Variants in TNRC18 observed in about 807,000 individuals in gnomAD.
The protein encoded by TNRC18 is trinucleotide repeat-containing gene 18 protein.
In TNRC18, 69 loss-of-function variants were observed where a neutral mutation model predicts 226.7. The ratio of observed to expected loss-of-function variants is 0.30; its 90% CI spans 0.25 to 0.37. The LOEUF (loss-of-function observed/expected upper bound fraction) is 0.37. Among genes scored for constraint, TNRC18 ranks in the 10% least tolerant of loss-of-function variants. The pLI is 1.00. For missense variants in TNRC18, 4,754 were observed against 4,256.6 expected, an observed-to-expected ratio of 1.12 and a Z score of -3.25; for synonymous variants, 2,449 against 1,927.6, an observed-to-expected ratio of 1.27 and a Z score of -7.09.
intron 18 of TNRC18, among the ~76,000 whole-genome samples, 158 bp downstream of exon 18, chr7:5,345,404 T>C (rs1791070464): frequency 1.3e-5 from 2 of 152,178 alleles, no homozygotes; most frequent in African/African-American, 4.8e-5. Flanking sequence ...GTCGCGAGCA[T>C]CCCTGATCAG....
rs1478056622 is a variant in TNRC18 at position 5,356,900 on chromosome 7, G to A, written c.5194+16C>T. 3.3e-6 allele frequency: 5 copies of A among 1,515,018 alleles called. No individual in the cohort carries two copies. The highest frequency in any genetic ancestry group is 4.4e-6 in the Non-Finnish European group (5 of 1,127,842). The allele number at this position is 1,515,018 out of a possible 1,614,324, so 93.8% of individuals were successfully genotyped here. On this transcript the variant is annotated intron_variant, in intron 16 of 29. Coordinates refer to ENST00000430969, the MANE Select transcript of TNRC18 (RefSeq NM_001080495.3). Reference sequence around the variant, plus strand: ...AGAAGCAGCGGACCAGAGGTGGCGCGGCATACGCTACTTACTGTAAGAGTA... The same window carrying A: ...AGAAGCAGCGGACCAGAGGTGGCGCAGCATACGCTACTTACTGTAAGAGTA...
At chr7:5,379,627 C>G (rs1294292481) in intron 5 of TNRC18, among the ~76,000 whole-genome samples, 3 of 152,194 alleles carry the variant, frequency 2.0e-5, no homozygotes, top group Non-Finnish European at 2.9e-5. Flanking sequence ...CTCCTGGTAC[C>G]TCCTTGTCCC....
rs76335543 is a variant in TNRC18 at position 5,332,933 on chromosome 7, G to A, written c.5836C>T (p.Pro1946Ser). 1.0e-5 allele frequency: 16 copies of A among 1,547,404 alleles called. No homozygotes were observed. The Admixed American group carries it at 1.1e-4, about 11-fold the overall frequency. ...LGEPGPSLAAPTPGARGPDPS... is the reference protein window; with the variant it reads ...LGEPGPSLAASTPGARGPDPS... ...TCGGGACCGCGGGCGCCAGGCGTGG[G>A]TGCGGCCAGGGAGGGTCCCGGCTCC... Residue 1946 changes from proline to serine, a missense_variant, in exon 19 of 30, where the codon CCC becomes TCC. By Grantham distance (74) the Pro-to-Ser change is moderately conservative. Transcript: ENST00000430969.
intron 4 of TNRC18, chr7:5,390,123 G>C: frequency 2.4e-6 from 1 of 415,148 alleles, no homozygotes; most frequent in Non-Finnish European, 4.2e-6. Flanking sequence ...CAGCACTTTG[G>C]AAAGCCGAGG....
intron 21 of TNRC18, among the ~76,000 whole-genome samples, chr7:5,322,811 T>C (rs375349609): frequency 6.6e-6 from 1 of 152,192 alleles, no homozygotes; most frequent in African/African-American, 2.4e-5. Context: ...GGGAGAGGGA[T>C]GGGTGGGACG....
chr7:5,421,330 T>G lies in TNRC18; in HGVS notation c.-84A>C, dbSNP rs1782575371. 1.3e-5 allele frequency: 15 copies of G among 1,178,522 alleles called. No homozygotes were observed. The highest frequency in any genetic ancestry group is 1.6e-5 in the African/African-American group (1 of 62,938). The allele number at this position is 1,178,522 out of a possible 1,614,324, so 73.0% of individuals were successfully genotyped here. A position where few individuals can be genotyped will look rare whatever the true frequency, so the allele number is the denominator to read the frequency against. On this transcript the variant is annotated 5_prime_UTR_variant, in exon 2 of 30. Coordinates refer to ENST00000430969, the MANE Select transcript of TNRC18 (RefSeq NM_001080495.3). ...ACCTAAAAGTTCGGCCTCGGCGTAG[T>G]CCCAGAGTCCTCGGGCGGCGGGGGC...
At chr7:5,326,890 C>T (rs1165319736) in intron 19 of TNRC18, among the ~76,000 whole-genome samples, 2 of 151,556 alleles carry the variant, frequency 1.3e-5, no homozygotes, top group Non-Finnish European at 2.9e-5. Flanking sequence ...TTTGGGAGGC[C>T]GAGGCGGGCG....
In TNRC18 at chr7:5,370,521, G is replaced by A; in HGVS notation, c.4073C>T (p.Pro1358Leu). 1 of 1,601,220 alleles carries A rather than the reference G, an allele frequency of 6.2e-7. No homozygotes were observed. The highest frequency in any genetic ancestry group is 1.1e-5 in the South Asian group (1 of 89,162). The change falls in exon 11 of 30, where the codon CCC becomes CTC. Residue 1358 changes from proline to leucine, a missense_variant. Coordinates refer to ENST00000430969, the MANE Select transcript of TNRC18 (RefSeq NM_001080495.3). ...AAELPQARPLPSPGAAGAQAL... is the reference protein window; with the variant it reads ...AAELPQARPLLSPGAAGAQAL... ...CTGGGCTCCAGCAGCACCCGGGGAG[G>A]GCAGAGGCCTGGCCTGGGGCAGCTC... is the stretch of plus-strand genomic sequence containing the variant.
chr7:5,362,016 G>C lies in TNRC18; in HGVS notation c.4413C>G (p.Ser1471=). ...KKEERMYAMK[S]SLEDMDALEL... ...CCAGGGCGTCCATGTCCTCCAGGGA[G>C]GACTTCATGGCATACATCTGGGGGA... Residue 1471 remains serine (S), a synonymous_variant, in exon 13 of 30, where the codon TCC becomes TCG. Coordinates refer to ENST00000430969, the MANE Select transcript of TNRC18 (RefSeq NM_001080495.3). 1 of 1,613,484 alleles carries C rather than the reference G, an allele frequency of 6.2e-7. No individual in the cohort carries two copies. The highest frequency in any genetic ancestry group is 8.5e-7 in the Non-Finnish European group (1 of 1,179,700).
At chr7:5,321,463 G>A (rs1302551166) in intron 21 of TNRC18, among the ~76,000 whole-genome samples, 3 of 152,034 alleles carry the variant, frequency 2.0e-5, no homozygotes, top group Non-Finnish European at 2.9e-5. Flanking sequence ...GACCCCAGGT[G>A]GGTGTGAACC....
chr7:5,366,062 C>A (rs1189081845), intron 11 of TNRC18, among the ~76,000 whole-genome samples: 1 of 152,108 alleles, frequency 6.6e-6, no homozygotes, highest in African/African-American at 2.4e-5. Flanking sequence ...GTTCCAGAGA[C>A]AGACATGACT....
At chr7:5,410,403 C>G (rs1781766805) in intron 2 of TNRC18, among the ~76,000 whole-genome samples, 1 of 150,482 alleles carries the variant, frequency 6.6e-6, no homozygotes, top group African/African-American at 2.4e-5. Flanking sequence ...GAGAGAATAG[C>G]AAAAATACTG....
intron 10 of TNRC18, among the ~76,000 whole-genome samples, chr7:5,373,014 C>T (rs986748844): frequency 3.3e-5 from 5 of 152,136 alleles, no homozygotes; most frequent in East Asian, 1.9e-4. Flanking sequence ...CAAAATTAGC[C>T]GGGCATGGTG....
intron 18 of TNRC18, among the ~76,000 whole-genome samples, chr7:5,344,830 G>C (rs540730158): frequency 4.6e-5 from 7 of 152,326 alleles, no homozygotes; most frequent in African/African-American, 1.4e-4. Flanking sequence ...GGTGAGAACA[G>C]GGAGGGCCCA....
intron 16 of TNRC18, among the ~76,000 whole-genome samples, chr7:5,356,559 C>A (rs1314364915): frequency 6.6e-6 from 1 of 152,244 alleles, no homozygotes. Flanking sequence ...GCCAAACAGC[C>A]GCAAACTCTA....
rs373890079 is a variant in TNRC18, at chr7:5,308,235, C to T, written c.8778G>A (p.Leu2926=). 22 of 1,612,676 alleles carry T rather than the reference C, an allele frequency of 1.4e-5. No individual in the cohort carries two copies. The highest frequency in any genetic ancestry group is 2.2e-5 in the East Asian group (1 of 44,876). The change falls in exon 30 of 30, where the codon CTG becomes CTA. Residue 2926 remains leucine (L), a synonymous_variant. Coordinates refer to ENST00000430969, the MANE Select transcript of TNRC18 (RefSeq NM_001080495.3). The stretch of plus-strand genomic sequence containing the variant: ...TCTTCAGCATCTGCTCATACTGCTC[C>T]AGGCCCACCACCAGGCACTTGTGCG... ...TVSHKCLVVG[L]EQYEQMLKTK...
At chr7:5,414,452 G>A (rs554693793) in intron 2 of TNRC18, among the ~76,000 whole-genome samples, 16 of 147,706 alleles carry the variant, frequency 1.1e-4, no homozygotes, top group Non-Finnish European at 2.2e-4. Flanking sequence ...TCACTCTGTC[G>A]CCCAGGCTGG....
At chr7:5,397,141 C>A (rs1411247463) in intron 2 of TNRC18, among the ~76,000 whole-genome samples, 1 of 152,012 alleles carries the variant, frequency 6.6e-6, no homozygotes, top group Non-Finnish European at 1.5e-5. Flanking sequence ...GCGCCAAGCC[C>A]TCGGGCCCCG....
intron 5 of TNRC18, among the ~76,000 whole-genome samples, 176 bp downstream of exon 5, chr7:5,387,496 G>C (rs1317911803): frequency 3.3e-5 from 5 of 152,222 alleles, no homozygotes; most frequent in Non-Finnish European, 7.3e-5. Context: ...GCCCATCAAG[G>C]GAGTGGAAAA....
Sources: gnomAD v4.1 joint callset for allele counts (sites outside exome capture counted in the v4.1 genomes callset) on GRCh38, gnomAD v4.1.1 for gene constraint, MANE v1.5 for transcripts, NCBI Gene and HGNC (gene_info 2026-07-23, HGNC 2026-07-21) for gene names.